BRAF: variants seen among roughly 807,000 people sequenced by gnomAD.
The protein encoded by BRAF is B-Raf proto-oncogene, serine/threonine kinase.
In BRAF, 16 loss-of-function variants were observed where a neutral mutation model predicts 104.6. The ratio of observed to expected loss-of-function variants is 0.15; its 90% CI spans 0.10 to 0.23. The LOEUF (loss-of-function observed/expected upper bound fraction) is 0.23, where lower values mean the gene tolerates loss of function less well. Among genes scored for constraint, BRAF ranks in the 10% least tolerant of loss-of-function variants. The pLI is 1.00. For missense variants in BRAF, 541 were observed against 937.3 expected, an observed-to-expected ratio of 0.58 and a Z score of 5.52; for synonymous variants, 310 against 341.6, an observed-to-expected ratio of 0.91 and a Z score of 1.02.
chr7:140,720,295 A>AT lies in BRAF; in HGVS notation c.*6198dup. 14 of 1,062,700 alleles carry AT rather than the reference A, an allele frequency of 1.3e-5. No homozygotes were observed. Among genetic ancestry groups the AT allele is most frequent in the Non-Finnish European group, 1.6e-5 (14 of 877,672 alleles). The allele number at this position is 1,062,700 out of a possible 1,614,324, so 65.8% of individuals were successfully genotyped here. On this transcript the variant is annotated 3_prime_UTR_variant, in exon 20 of 20. Transcript: ENST00000644969. The stretch of plus-strand genomic sequence containing the variant: ...ATCATGAAGGCCAAACTGAGTCTAT[A>AT]TATGTGGCATGGCCAAAGGAAACAC...
downstream of BRAF, among the ~76,000 whole-genome samples, chr7:140,718,777 A>T (rs1795193875): frequency 6.6e-6 from 1 of 152,162 alleles, no homozygotes; most frequent in Admixed American, 6.5e-5. Flanking sequence ...AGTTTTTCAG[A>T]CTTCAGTGAA....
intron 14 of BRAF, among the ~76,000 whole-genome samples, chr7:140,764,367 A>T (rs1325933138): frequency 1.1e-4 from 16 of 151,112 alleles, no homozygotes; most frequent in African/African-American, 3.2e-4. Context: ...AACTGGAAGC[A>T]TTCCCTTTGA....
Position 140,720,196 on chromosome 7 carries a change from TCAGATGTA to T in BRAF, c.*6290_*6297del. 1 of 1,062,654 alleles carries T rather than the reference TCAGATGTA, an allele frequency of 9.4e-7. No individual in the cohort carries two copies. Among genetic ancestry groups the T allele is most frequent in the Non-Finnish European group, 1.1e-6 (1 of 877,648 alleles). The allele number at this position is 1,062,654 out of a possible 1,614,324, so 65.8% of individuals were successfully genotyped here. On this transcript the variant is annotated 3_prime_UTR_variant, in exon 20 of 20. Transcript: ENST00000644969. The stretch of plus-strand genomic sequence containing the variant: ...AGCAATTGCCATGTTGAGGAAAGGA[TCAGATGTA>T]CAACCAACAAATGAGATTACCACAA...
intron 3 of BRAF, among the ~76,000 whole-genome samples, chr7:140,832,652 C>T (rs1806896070): frequency 6.6e-6 from 1 of 152,094 alleles, no homozygotes; most frequent in Admixed American, 6.6e-5. Context: ...AATTGTTAAA[C>T]TGGGAGTATG....
intron 19 of BRAF, chr7:140,732,088 G>A (rs922451760): frequency 7.1e-6 from 1 of 140,152 alleles, no homozygotes; most frequent in Admixed American, 7.3e-5. Context: ...GGAGAATGGC[G>A]TGAACCCGGG....
In BRAF at chr7:140,832,850, A is replaced by G. The variant is rs1413313789; in HGVS notation, c.504+1759T>C. Among the ~76,000 whole-genome samples the G allele has an allele frequency of 2.0e-5, 3 of 151,638 alleles. No individual in the cohort carries two copies. In the South Asian group the frequency reaches 6.2e-4, roughly 32 times the overall value. On this transcript the variant is annotated intron_variant, in intron 3 of 19. Transcript: ENST00000644969. The stretch of plus-strand genomic sequence containing the variant: ...CTGTAAATTTCTCTTGGCCTCTCTC[A>G]TAAATATGAGGAGGCTAGTTAAACC...
At chr7:140,792,567 T>A (rs1489427395) in intron 8 of BRAF, among the ~76,000 whole-genome samples, 1 of 152,236 alleles carries the variant, frequency 6.6e-6, no homozygotes, top group African/African-American at 2.4e-5. Flanking sequence ...TACTCCTACT[T>A]ATTCACCATA....
At chr7:140,888,118 C>T (rs1432178848) in intron 1 of BRAF, among the ~76,000 whole-genome samples, 1 of 152,188 alleles carries the variant, frequency 6.6e-6, no homozygotes, top group Non-Finnish European at 1.5e-5. Flanking sequence ...TGTGATCCGT[C>T]TACCTCGGCC....
chr7:140,809,609 C>A (rs1159306811), intron 3 of BRAF, among the ~76,000 whole-genome samples: 2 of 152,158 alleles, frequency 1.3e-5, no homozygotes, highest in Non-Finnish European at 2.9e-5. Context: ...TTTCCCATAC[C>A]CCCGGCAAGA....
chr7:140,837,536 G>C (rs1807476023), intron 2 of BRAF, among the ~76,000 whole-genome samples: 1 of 152,146 alleles, frequency 6.6e-6, no homozygotes, highest in Non-Finnish European at 1.5e-5. Flanking sequence ...CAACTAGCTT[G>C]CCAGATACAA....
At chr7:140,769,061 A>C (rs1799592116) in intron 14 of BRAF, among the ~76,000 whole-genome samples, 1 of 151,570 alleles carries the variant, frequency 6.6e-6, no homozygotes, top group Non-Finnish European at 1.5e-5. Context: ...AGTAAAGAAA[A>C]TGGACTAAAA....
rs549920379 is a variant in BRAF at position 140,838,414 on chromosome 7, C to T, written c.241-3542G>A. 3.3e-4 allele frequency among the ~76,000 whole-genome samples: 50 copies of T among 152,134 alleles called. No homozygotes were observed. In the East Asian group the frequency reaches 8.1e-3, roughly 25 times the overall value. On this transcript the variant is annotated intron_variant, in intron 2 of 19. Transcript: ENST00000644969. ...TAGTAATAATTGATAACCTGGGAGG[C>T]GGAGGTTGCAGTGAGTTGAGATCAC...
chr7:140,811,437 A>G (rs1804248046), intron 3 of BRAF, among the ~76,000 whole-genome samples: 1 of 152,130 alleles, frequency 6.6e-6, no homozygotes, highest in South Asian at 2.1e-4. Flanking sequence ...GGGGACTCTC[A>G]GGGGAGAGGG....
chr7:140,891,485 A>T (rs748331735), intron 1 of BRAF, among the ~76,000 whole-genome samples: 1 of 152,160 alleles, frequency 6.6e-6, no homozygotes, highest in Non-Finnish European at 1.5e-5. Context: ...ATACTGTATT[A>T]TCTTGTATTT....
chr7:140,838,082 T>C (rs1209722315), intron 2 of BRAF, among the ~76,000 whole-genome samples: 1 of 152,160 alleles, frequency 6.6e-6, no homozygotes. Context: ...ACCATTTCTT[T>C]TGGTTATTCA....
Position 140,722,896 on chromosome 7 carries a change from T to C in BRAF, c.*3598A>G. The C allele has an allele frequency of 9.5e-7, 1 of 1,055,596 alleles. No homozygotes were observed. The allele number at this position is 1,055,596 out of a possible 1,614,324, so 65.4% of individuals were successfully genotyped here. A position where few individuals can be genotyped will look rare whatever the true frequency, so the allele number is the denominator to read the frequency against. On this transcript the variant is annotated 3_prime_UTR_variant, in exon 20 of 20. Coordinates refer to ENST00000644969, the MANE Select transcript of BRAF (RefSeq NM_001374258.1). ...CACCACTTTCAACAACATTCAGATATTCCGAGCAACACATTTTTTTACAGT... is the reference window on the plus strand; with the variant it reads ...CACCACTTTCAACAACATTCAGATACTCCGAGCAACACATTTTTTTACAGT...
At chr7:140,890,593 T>G (rs1039721625) in intron 1 of BRAF, among the ~76,000 whole-genome samples, 4 of 152,200 alleles carry the variant, frequency 2.6e-5, no homozygotes, top group African/African-American at 9.7e-5. Context: ...ATGCTACATA[T>G]CAGTGTCTCA....
intron 8 of BRAF, among the ~76,000 whole-genome samples, chr7:140,790,103 AG>A (rs904121988): frequency 1.3e-5 from 2 of 152,206 alleles, no homozygotes; most frequent in African/African-American, 4.8e-5. Flanking sequence ...AATTACTCTG[AG>A]TTGGGGTTTC....
intron 16 of BRAF, among the ~76,000 whole-genome samples, chr7:140,752,797 G>C (rs1332226106): frequency 1.3e-5 from 2 of 151,978 alleles, no homozygotes; most frequent in Non-Finnish European, 2.9e-5. Context: ...GTTAAAAGGA[G>C]TAGTTCTCTT....
Sources: gnomAD v4.1 joint callset for allele counts (sites outside exome capture counted in the v4.1 genomes callset) on GRCh38, gnomAD v4.1.1 for gene constraint, MANE v1.5 for transcripts, NCBI Gene and HGNC (gene_info 2026-07-23, HGNC 2026-07-21) for gene names.